Variants in NSD2 observed in about 807,000 individuals in gnomAD.
NSD2 encodes the protein nuclear receptor binding SET domain protein 2.
A neutral mutation model predicts 139.0 loss-of-function variants in NSD2; 12 were observed. The observed-to-expected ratio is 0.09, with a 90% CI of 0.06 to 0.14. The LOEUF (loss-of-function observed/expected upper bound fraction) is 0.14. Ranked by LOEUF, NSD2 falls within the 10% of genes least tolerant of loss-of-function variation. The pLI is 1.00. For missense variants in NSD2, 1,155 were observed against 1,745.0 expected (o/e 0.66, Z 6.02); for synonymous variants, 669 against 648.7 (o/e 1.03, Z -0.48).
rs570033446 is a variant in NSD2, at chr4:1,956,470, G to A, written c.2881+282G>A. ...TACTAATTTACAGAAATGTTCCATG[G>A]CTTGCCTTTATGTAAAATGCAGATC... is the stretch of plus-strand genomic sequence containing the variant. On this transcript the variant is annotated intron_variant, in intron 15 of 21. Transcript: ENST00000508803. The surrounding 1 kb of genome is among the most constrained non-coding windows in gnomAD (Gnocchi z 5.3). Among the ~76,000 whole-genome samples the A allele has an allele frequency of 6.6e-6, 1 of 152,082 alleles. No homozygotes were observed. The highest frequency in any genetic ancestry group is 1.5e-5 in the Non-Finnish European group (1 of 68,020).
At chr4:1,949,949 G>T (rs977872116) in intron 9 of NSD2, among the ~76,000 whole-genome samples, 1 of 152,070 alleles carries the variant, frequency 6.6e-6, no homozygotes, top group East Asian at 1.9e-4. Flanking sequence ...TTTTTAATAT[G>T]GCCCAATTCC....
intron 4 of NSD2, among the ~76,000 whole-genome samples, chr4:1,917,597 T>G (rs1229942769): frequency 6.6e-6 from 1 of 151,826 alleles, no homozygotes; most frequent in East Asian, 1.9e-4. Flanking sequence ...CCACCACGCC[T>G]GGCTAATTTT....
Position 1,974,048 on chromosome 4 carries a change from C to G in NSD2, c.3373-815C>G, listed in dbSNP as rs1231241504. Among the ~76,000 whole-genome samples, 1 of 152,132 alleles carries G rather than the reference C, an allele frequency of 6.6e-6. No individual in the cohort carries two copies. Among genetic ancestry groups the G allele is most frequent in the African/African-American group, 2.4e-5 (1 of 41,422 alleles). ...ATCAGGTTGCTGCCTCGAAAGCCTTCCTGCCGGCCCTGCAGCCACCCCTCA... is the reference window on the plus strand; with the variant it reads ...ATCAGGTTGCTGCCTCGAAAGCCTTGCTGCCGGCCCTGCAGCCACCCCTCA... On this transcript the variant is annotated intron_variant, in intron 18 of 21. Coordinates refer to ENST00000508803, the MANE Select transcript of NSD2 (RefSeq NM_001042424.3). The surrounding 1 kb of genome is among the most constrained non-coding windows in gnomAD (Gnocchi z 4.0).
At chr4:1,875,299 T>TG in intron 1 of NSD2, among the ~76,000 whole-genome samples, 1 of 146,120 alleles carries the variant, frequency 6.8e-6, no homozygotes, top group South Asian at 2.1e-4. Flanking sequence ...TTTTTTTTTT[T>TG]GGGACAGGGT....
intron 9 of NSD2, chr4:1,946,310 C>G (rs1723622983): frequency 1.3e-6 from 1 of 785,374 alleles, no homozygotes; most frequent in African/African-American, 1.9e-5. Flanking sequence ...GTTGGCCAGG[C>G]TGGAGTGCAG....
chr4:1,924,069 G>A (rs1214070995), intron 5 of NSD2, among the ~76,000 whole-genome samples: 2 of 152,152 alleles, frequency 1.3e-5, no homozygotes, highest in Non-Finnish European at 1.5e-5. Flanking sequence ...GTCATTGTTG[G>A]ATATAAAATG....
chr4:1,918,680 T>C, intron 5 of NSD2, 57 bp downstream of exon 5: 2 of 1,594,168 alleles, frequency 1.3e-6, no homozygotes, highest in Non-Finnish European at 1.7e-6. Context: ...GAACATCCCT[T>C]CAGTGCAGAA....
chr4:1,978,775 T>C lies in NSD2; in HGVS notation c.3964T>C (p.Tyr1322His). Residue 1322 changes from tyrosine (Y) to histidine (H), a missense_variant, in exon 22 of 22, where the codon TAC becomes CAC. By Grantham distance (83) the Tyr-to-His change is moderately conservative. Transcript: ENST00000508803. Reference protein sequence around the residue: ...AFSCTPDGRSYCCEHDLGAAS... With the variant: ...AFSCTPDGRSHCCEHDLGAAS... ...CAGCTGCACCCCGGACGGGCGGTCC[T>C]ACTGCTGTGAGCATGACTTAGGGGC... 3 of 1,613,988 alleles carry C rather than the reference T, an allele frequency of 1.9e-6. No individual in the cohort carries two copies. Among genetic ancestry groups the C allele is most frequent in the Non-Finnish European group, 2.5e-6 (3 of 1,179,914 alleles).
rs1031443334 is a variant in NSD2, at chr4:1,879,260, C to G, written c.-30+7718C>G. Among the ~76,000 whole-genome samples, 75 of 152,056 alleles carry G rather than the reference C, an allele frequency of 4.9e-4. 1 individual carries two copies. The highest frequency in any genetic ancestry group is 1.8e-3 in the African/African-American group (73 of 41,460). The stretch of plus-strand genomic sequence containing the variant: ...TTGAGACGGAGTCTCGCTCTGTCAC[C>G]CAGGCTGGAGTGCAGTGGAGTGATC... On this transcript the variant is annotated intron_variant, in intron 1 of 21. Coordinates refer to ENST00000508803, the MANE Select transcript of NSD2 (RefSeq NM_001042424.3).
At chr4:1,936,248 G>A (rs889974767) in intron 7 of NSD2, among the ~76,000 whole-genome samples, 1 of 152,214 alleles carries the variant, frequency 6.6e-6, no homozygotes, top group Admixed American at 6.5e-5. Flanking sequence ...GCATGTAGAA[G>A]ACGTGAGCCC....
chr4:1,976,207 G>A lies in NSD2; in HGVS notation c.3622-268G>A, dbSNP rs1405014254. 2 of 467,058 alleles carry A rather than the reference G, an allele frequency of 4.3e-6. No homozygotes were observed. The highest frequency in any genetic ancestry group is 7.8e-6 in the Non-Finnish European group (2 of 256,848). 28.9% of individuals were successfully genotyped at this position (467,058 alleles called of 1,614,324 possible). ...TCCCATCAGCAGATCCTGGAGCTGT[G>A]TGTCTGCTGAGATGCTGCTGAGATG... On this transcript the variant is annotated intron_variant, in intron 20 of 21. Transcript: ENST00000508803. This position sits in a 1 kb window ranked among gnomAD's most constrained non-coding sequence, Gnocchi z 5.3.
At chr4:1,873,731 C>A (rs575369862) in intron 1 of NSD2, among the ~76,000 whole-genome samples, 1 of 152,308 alleles carries the variant, frequency 6.6e-6, no homozygotes, top group Admixed American at 6.5e-5. Context: ...CAGTGTAAAA[C>A]ATGCAAAAGT....
Position 1,889,879 on chromosome 4 carries a change from T to C in NSD2, c.-29-10747T>C, listed in dbSNP as rs75820801. The stretch of plus-strand genomic sequence containing the variant: ...TTTAAACCATTATAGAGTGTACAAT[T>C]CAGTGGTGTTTTTGGTATGTTCAGT... On this transcript the variant is annotated intron_variant, in intron 1 of 21. Coordinates refer to ENST00000508803, the MANE Select transcript of NSD2 (RefSeq NM_001042424.3). Among the ~76,000 whole-genome samples the C allele has an allele frequency of 1.1e-3, 168 of 152,218 alleles. 1 individual carries two copies. In the East Asian group the frequency reaches 0.028, roughly 26 times the overall value.
intron 1 of NSD2, among the ~76,000 whole-genome samples, chr4:1,896,886 T>G (rs925238192): frequency 6.6e-6 from 1 of 151,910 alleles, no homozygotes; most frequent in Admixed American, 6.6e-5. Flanking sequence ...GAAAGATAGT[T>G]AAACCCGGGT....
At chr4:1,931,449 T>G (rs761603597) in intron 6 of NSD2, among the ~76,000 whole-genome samples, 11 of 152,174 alleles carry the variant, frequency 7.2e-5, no homozygotes, top group Non-Finnish European at 1.6e-4. Flanking sequence ...GATAAATATG[T>G]GCTTGGATGT....
intron 9 of NSD2, chr4:1,939,997 T>A: frequency 2.8e-6 from 4 of 1,412,506 alleles, no homozygotes; most frequent in Non-Finnish European, 3.7e-6. Flanking sequence ...ACGCACACAG[T>A]GTCTGTGTAC....
intron 1 of NSD2, among the ~76,000 whole-genome samples, chr4:1,872,623 A>AGC (rs1713931908): frequency 9.7e-5 from 14 of 143,832 alleles, no homozygotes; most frequent in African/African-American, 2.3e-4. Flanking sequence ...AGAGAGAGAG[A>AGC]GAGAGAGAGA....
In NSD2 at chr4:1,981,475, C is replaced by T. The variant is rs1727757347; in HGVS notation, c.*2566C>T. ...AGCAAAACACAAAAACCGCCCCAAT[C>T]CCTCAGGATTCCTTGGCATCCGAAA... On this transcript the variant is annotated 3_prime_UTR_variant, in exon 22 of 22. Transcript: ENST00000508803. The T allele has an allele frequency of 8.2e-6, 2 of 245,338 alleles. No individual in the cohort carries two copies. The highest frequency in any genetic ancestry group is 1.6e-5 in the Non-Finnish European group (2 of 126,682). 15.2% of individuals were successfully genotyped at this position (245,338 alleles called of 1,614,324 possible).
chr4:1,909,055 A>T (rs1718317006), intron 3 of NSD2, among the ~76,000 whole-genome samples: 1 of 152,006 alleles, frequency 6.6e-6, no homozygotes, highest in African/African-American at 2.4e-5. Context: ...TTCTATGAAA[A>T]TGAGCTCCTC....
Sources: gnomAD v4.1 joint callset for allele counts (sites outside exome capture counted in the v4.1 genomes callset) on GRCh38, gnomAD v4.1.1 for gene constraint, Gnocchi (gnomAD v3.1) non-coding constraint, MANE v1.5 for transcripts, NCBI Gene and HGNC (gene_info 2026-07-23, HGNC 2026-07-21) for gene names.